TUFT1: variants seen among roughly 807,000 people sequenced by gnomAD.
TUFT1 encodes the protein tuftelin 1.
TUFT1 carries 43 observed loss-of-function variants against 57.8 expected under a neutral mutation model. That is an observed-to-expected ratio of 0.74 (90% CI 0.58 to 0.96). TUFT1 has a LOEUF of 0.96. Among genes scored for constraint, TUFT1 ranks in the 40% least tolerant of loss-of-function variants. The pLI is 0.00. For missense variants in TUFT1, 459 were observed against 489.0 expected, an observed-to-expected ratio of 0.94 and a Z score of 0.58; for synonymous variants, 166 against 176.7, an observed-to-expected ratio of 0.94 and a Z score of 0.48.
At position 151,583,002 on chromosome 1, in the gene TUFT1, C is replaced by T. The variant is rs1666690158; in HGVS notation, c.*1295C>T. 1.3e-5 allele frequency: 2 copies of T among 151,420 alleles called. No individual in the cohort carries two copies. Among genetic ancestry groups the T allele is most frequent in the Non-Finnish European group, 2.9e-5 (2 of 67,976 alleles). The allele number at this position is 151,420 out of a possible 1,614,324, so 9.4% of individuals were successfully genotyped here. On this transcript the variant is annotated 3_prime_UTR_variant, in exon 13 of 13. Transcript: ENST00000368849. ...CCAGGCTGGAGTGCAGTGGCGCGAT[C>T]TCAGCTCACTGCAACCTCTGCCTCC...
In TUFT1 at chr1:151,575,028, C is replaced by T. The variant is rs1031974258; in HGVS notation, c.818+23C>T. On this transcript the variant is annotated intron_variant, in intron 9 of 12. Coordinates refer to ENST00000368849, the MANE Select transcript of TUFT1 (RefSeq NM_020127.3). Reference sequence around the variant, plus strand: ...AAAGTAAGGGCTTGGCTCTTGTTCACGGTGAAGTTGGGTTGCAGGGAGGGG... The same window carrying T: ...AAAGTAAGGGCTTGGCTCTTGTTCATGGTGAAGTTGGGTTGCAGGGAGGGG... 1.2e-5 allele frequency: 19 copies of T among 1,550,026 alleles called. No homozygotes were observed. The Admixed American group carries it at 2.5e-4, about 21-fold the overall frequency.
chr1:151,547,824 C>T (rs989663976), intron 1 of TUFT1, among the ~76,000 whole-genome samples: 1 of 152,170 alleles, frequency 6.6e-6, no homozygotes, highest in African/African-American at 2.4e-5. Flanking sequence ...CCTCTACAGA[C>T]ACACTGTCAC....
chr1:151,543,044 A>G (rs1176845468), intron 1 of TUFT1, among the ~76,000 whole-genome samples: 1 of 151,988 alleles, frequency 6.6e-6, no homozygotes, highest in African/African-American at 2.4e-5. Flanking sequence ...GGGCCCTGGG[A>G]CTCTGTTGGT....
chr1:151,560,526 C>T (rs927657736), intron 1 of TUFT1, among the ~76,000 whole-genome samples: 3 of 152,180 alleles, frequency 2.0e-5, no homozygotes, highest in Non-Finnish European at 2.9e-5. Flanking sequence ...CAAGTTGGAA[C>T]GTTATCTTCT....
rs766505024 is a variant in TUFT1, at chr1:151,566,199, C to G, written c.451C>G (p.Pro151Ala). ...LEKPNGFSQS[P>A]TALYSSPPEV... is the part of the protein sequence containing the mutation. Reference sequence around the variant, plus strand: ...AAAGCCAAATGGCTTTAGTCAGAGTCCCACAGCCCTGTACAGCAGCCCACC... The same window carrying G: ...AAAGCCAAATGGCTTTAGTCAGAGTGCCACAGCCCTGTACAGCAGCCCACC... The change falls in exon 6 of 13, where the codon CCC (proline) becomes GCC (alanine). Residue 151 changes from proline to alanine, a missense_variant. Transcript: ENST00000368849. The G allele has an allele frequency of 1.2e-6, 2 of 1,611,914 alleles. No homozygotes were observed. The highest frequency in any genetic ancestry group is 1.7e-6 in the Non-Finnish European group (2 of 1,179,416).
intron 6 of TUFT1, among the ~76,000 whole-genome samples, chr1:151,566,758 A>G (rs1666097527): frequency 1.3e-5 from 2 of 152,220 alleles, no homozygotes; most frequent in Admixed American, 6.5e-5. Flanking sequence ...TTTCTCAACT[A>G]TAAGATCATG....
chr1:151,562,544 ATCTCTCTCTCTC>A (rs34211422), intron 2 of TUFT1, 29 bp from the exon 3 acceptor site: 1 of 1,397,390 alleles, frequency 7.2e-7, no homozygotes, highest in South Asian at 1.2e-5. Flanking sequence ...TGTCTGAGCC[ATCTCTCTCTCTC>A]TCTCTCTCTC....
At chr1:151,562,558 C>CTG (rs968758153) in intron 2 of TUFT1, 27 bp from the exon 3 acceptor site, 208 of 1,558,810 alleles carry the variant, frequency 1.3e-4, no homozygotes, top group Non-Finnish European at 1.8e-4. Context: ...CTCTCTCTCT[C>CTG]TCTCTCTCTC....
intron 1 of TUFT1, among the ~76,000 whole-genome samples, chr1:151,560,012 T>C (rs1053502747): frequency 1.3e-5 from 2 of 149,648 alleles, no homozygotes; most frequent in Non-Finnish European, 3.0e-5. Context: ...GCCAGGCTGG[T>C]CTCGAACTCC....
At position 151,581,950 on chromosome 1, in the gene TUFT1, G is replaced by A. The variant is rs1047748284; in HGVS notation, c.*243G>A. ...ACATTGTCCTGCAAGCAGGAGCCAGGGCAATATCTATATTCCTACAGTGAC... is the reference window on the plus strand; with the variant it reads ...ACATTGTCCTGCAAGCAGGAGCCAGAGCAATATCTATATTCCTACAGTGAC... On this transcript the variant is annotated 3_prime_UTR_variant, in exon 13 of 13. Transcript: ENST00000368849. 3.3e-6 allele frequency: 2 copies of A among 613,466 alleles called. No individual in the cohort carries two copies. Among genetic ancestry groups the A allele is most frequent in the African/African-American group, 3.7e-5 (2 of 54,654 alleles). The allele number at this position is 613,466 out of a possible 1,614,324, so 38.0% of individuals were successfully genotyped here.
rs1353310493 is a variant in TUFT1, at chr1:151,545,812, C to G, written c.60+5386C>G. ...AGGGTGAAGACCTGAGTAACCTTTG[C>G]TAGTCCTGACTCAGCCAGTACTGGT... On this transcript the variant is annotated intron_variant, in intron 1 of 12. Coordinates refer to ENST00000368849, the MANE Select transcript of TUFT1 (RefSeq NM_020127.3). The G allele has an allele frequency of 5.6e-6, 3 of 532,660 alleles. No homozygotes were observed. The African/African-American group carries it at 5.8e-5, about 10-fold the overall frequency. The allele number at this position is 532,660 out of a possible 1,614,324, so 33.0% of individuals were successfully genotyped here.
chr1:151,580,325 G>A (rs771869956), intron 11 of TUFT1, among the ~76,000 whole-genome samples: 4 of 152,088 alleles, frequency 2.6e-5, no homozygotes, highest in Non-Finnish European at 4.4e-5. Context: ...ATAGAATAGC[G>A]TATCAACAAA....
At chr1:151,561,773 G>A (rs1383677689) in intron 1 of TUFT1, 2 of 1,351,980 alleles carry the variant, frequency 1.5e-6, no homozygotes, top group African/African-American at 1.5e-5. Flanking sequence ...TCTACAACTA[G>A]AGAAAGAAGA....
rs182383164 is a variant in TUFT1, at chr1:151,579,798, C to G, written c.1008+66C>G. On this transcript the variant is annotated intron_variant, in intron 11 of 12. Coordinates refer to ENST00000368849, the MANE Select transcript of TUFT1 (RefSeq NM_020127.3). ...GAAGAGAAGGTGGACATAAGGGAGACAGAGGTTATGGGAGGGGTCTTTGTC... is the reference window on the plus strand; with the variant it reads ...GAAGAGAAGGTGGACATAAGGGAGAGAGAGGTTATGGGAGGGGTCTTTGTC... 5.3e-4 allele frequency: 787 copies of G among 1,494,620 alleles called. 10 individuals carry two copies. In the East Asian group the frequency reaches 0.011, roughly 20 times the overall value. The allele number at this position is 1,494,620 out of a possible 1,614,324, so 92.6% of individuals were successfully genotyped here. A position where few individuals can be genotyped will look rare whatever the true frequency, so the allele number is the denominator to read the frequency against.
intron 1 of TUFT1, among the ~76,000 whole-genome samples, chr1:151,554,695 C>CTTTTTTTTTT (rs771656418): frequency 1.2e-5 from 1 of 85,652 alleles, no homozygotes; most frequent in Non-Finnish European, 2.2e-5. Context: ...GCCCGGCCCC[C>CTTTTTTTTTT]TTTTTTTTTT....
chr1:151,564,862 T>C, intron 5 of TUFT1: 1 of 321,404 alleles, frequency 3.1e-6, no homozygotes, highest in Non-Finnish European at 5.7e-6. Flanking sequence ...GTACAGAAAT[T>C]GAACTTATAT....
At position 151,557,782 on chromosome 1, in the gene TUFT1, C is replaced by T. The variant is rs1665754109; in HGVS notation, c.61-4309C>T. The T allele has an allele frequency of 7.8e-6, 6 of 764,908 alleles. 1 individual carries two copies. Among genetic ancestry groups the T allele is most frequent in the Non-Finnish European group, 9.6e-6 (4 of 415,286 alleles). The allele number at this position is 764,908 out of a possible 1,614,324, so 47.4% of individuals were successfully genotyped here. A position where few individuals can be genotyped will look rare whatever the true frequency, so the allele number is the denominator to read the frequency against. ...CCTAAAGGTCTGAAGGGTGAGCGACCTGCAAGACTCACAAGAGGGAAAGCG... is the reference window on the plus strand; with the variant it reads ...CCTAAAGGTCTGAAGGGTGAGCGACTTGCAAGACTCACAAGAGGGAAAGCG... On this transcript the variant is annotated intron_variant, in intron 1 of 12. Transcript: ENST00000368849.
intron 1 of TUFT1, chr1:151,557,797 G>A: frequency 1.3e-6 from 1 of 759,084 alleles, no homozygotes; most frequent in South Asian, 1.3e-5. Context: ...AGACTCACAA[G>A]AGGGAAAGCG....
chr1:151,550,435 C>G (rs895152795), intron 1 of TUFT1, among the ~76,000 whole-genome samples: 1 of 152,168 alleles, frequency 6.6e-6, no homozygotes, highest in Non-Finnish European at 1.5e-5. Flanking sequence ...GCCTCCGCCC[C>G]TTGGGTTTAA....
Sources: allele counts gnomAD v4.1 joint callset (sites outside exome capture counted in the v4.1 genomes callset), GRCh38; gene constraint gnomAD v4.1.1; transcripts MANE v1.5; gene names NCBI Gene and HGNC (gene_info 2026-07-23, HGNC 2026-07-21).